The following PIK3R3 variants were observed in gnomAD, a reference collection of about 807,000 sequenced individuals.
PIK3R3 encodes the protein phosphatidylinositol 3-kinase regulatory subunit gamma.
In PIK3R3, 64 loss-of-function variants were observed where a neutral mutation model predicts 62.9. The observed-to-expected ratio is 1.02, with a 90% CI of 0.83 to 1.25. The LOEUF is 1.25. Among genes scored for constraint, PIK3R3 ranks in the 50% most tolerant of loss-of-function variants. The pLI is 0.00. For missense variants in PIK3R3, 614 were observed against 561.6 expected, an observed-to-expected ratio of 1.09 and a Z score of -0.94; for synonymous variants, 165 against 189.0, an observed-to-expected ratio of 0.87 and a Z score of 1.04.
At chr1:46,081,649 C>A (rs1216671428) in intron 1 of PIK3R3, among the ~76,000 whole-genome samples, 1 of 152,190 alleles carries the variant, frequency 6.6e-6, no homozygotes, top group Non-Finnish European at 1.5e-5. Flanking sequence ...AGGTTGGGGA[C>A]TGCTGCCCTG....
At chr1:46,142,655 G>C in the PIK3R3 span, among the ~76,000 whole-genome samples, 1 of 151,404 alleles carries the variant, frequency 6.6e-6, no homozygotes, top group Non-Finnish European at 1.5e-5. Flanking sequence ...CCAAGATCAC[G>C]CCACTGCACT....
At chr1:46,046,729 T>A (rs1647127591) in intron 7 of PIK3R3, 104 bp from the exon 8 acceptor site, 1 of 741,230 alleles carries the variant, frequency 1.3e-6, no homozygotes, top group Non-Finnish European at 2.3e-6. Context: ...CACCTCTTGT[T>A]TTTCCTAATC....
intron 2 of PIK3R3, 99 bp from the exon 3 acceptor site, chr1:46,077,712 G>A: frequency 2.8e-6 from 2 of 717,888 alleles, no homozygotes; most frequent in East Asian, 2.5e-5. Context: ...GGCAGCTTCG[G>A]CAGTAGGTGT....
Position 46,103,188 on chromosome 1 carries a change from T to C in PIK3R3, c.107-22438A>G, listed in dbSNP as rs375998969. Among the ~76,000 whole-genome samples the C allele has an allele frequency of 7.9e-5, 12 of 152,304 alleles. No homozygotes were observed. The East Asian group carries it at 9.6e-4, about 12-fold the overall frequency. On this transcript the variant is annotated intron_variant, in intron 1 of 9. Transcript: ENST00000262741. The stretch of plus-strand genomic sequence containing the variant: ...ATAGGGGAAACGACGAGTCACTGTT[T>C]AATGGGTACAGAGTTTCAGATGTGC...
intron 7 of PIK3R3, among the ~76,000 whole-genome samples, chr1:46,050,820 TGATG>T (rs1382691895): frequency 6.6e-6 from 1 of 152,158 alleles, no homozygotes; most frequent in Non-Finnish European, 1.5e-5. Flanking sequence ...CACCAACTGA[TGATG>T]ATTAAACAAA....
intron 1 of PIK3R3, among the ~76,000 whole-genome samples, chr1:46,081,674 C>T (rs1650606175): frequency 6.6e-6 from 1 of 152,150 alleles, no homozygotes; most frequent in African/African-American, 2.4e-5. Flanking sequence ...GTCCTGGGGG[C>T]AACAACACCC....
the PIK3R3 span, among the ~76,000 whole-genome samples, chr1:46,153,226 T>C: frequency 6.6e-6 from 1 of 151,412 alleles, no homozygotes; most frequent in Non-Finnish European, 1.5e-5. Flanking sequence ...CAAAATTAGA[T>C]ATTATTTAAT....
At chr1:46,169,134 T>TA in the PIK3R3 span, among the ~76,000 whole-genome samples, 1 of 152,200 alleles carries the variant, frequency 6.6e-6, no homozygotes, top group African/African-American at 2.4e-5. Flanking sequence ...TCCATGGACT[T>TA]ACATTTTACC....
the PIK3R3 span, among the ~76,000 whole-genome samples, chr1:46,152,659 A>T: frequency 3.0e-4 from 42 of 141,666 alleles, no homozygotes; most frequent in African/African-American, 1.0e-3. Flanking sequence ...GCCTCCTGGG[A>T]TCACGCCATT....
chr1:46,061,544 A>G (rs1456515098), intron 6 of PIK3R3, among the ~76,000 whole-genome samples: 2 of 152,234 alleles, frequency 1.3e-5, no homozygotes, highest in Non-Finnish European at 2.9e-5. Context: ...ACCAGGGAAA[A>G]TAAGCCACCA....
intron 6 of PIK3R3, among the ~76,000 whole-genome samples, chr1:46,060,354 G>T (rs1428255998): frequency 6.6e-6 from 1 of 151,986 alleles, no homozygotes; most frequent in Non-Finnish European, 1.5e-5. Context: ...GCCGGGCATG[G>T]TGGGGGGTGC....
the PIK3R3 span, among the ~76,000 whole-genome samples, chr1:46,169,004 T>A: frequency 6.6e-6 from 1 of 152,136 alleles, no homozygotes; most frequent in African/African-American, 2.4e-5. Flanking sequence ...AGTTCCCAAA[T>A]AGAAGGAACC....
rs113380460 is a variant in PIK3R3 at position 46,061,923 on chromosome 1, A to T, written c.764+6T>A. 248 of 1,611,896 alleles carry T rather than the reference A, an allele frequency of 1.5e-4. 5 individuals carry two copies. In the African/African-American group the frequency reaches 2.5e-3, roughly 17 times the overall value. On this transcript the variant is annotated splice_donor_region_variant and intron_variant, in intron 6 of 9. Transcript: ENST00000262741. Reference sequence around the variant, plus strand: ...TGATGCCCTTGGAGGTACTAAGTAGACTTACCGTTCAATCTCCTTTTCATT... The same window carrying T: ...TGATGCCCTTGGAGGTACTAAGTAGTCTTACCGTTCAATCTCCTTTTCATT...
rs1339713087 is a variant in PIK3R3, at chr1:46,042,241, C to T, written c.*1432G>A. ...TGCCTAGCTTCACTCAGCTGGAAGG[C>T]TTAAGCCACATGGAGCAGAAGATTC... On this transcript the variant is annotated 3_prime_UTR_variant, in exon 10 of 10. Coordinates refer to ENST00000262741, the MANE Select transcript of PIK3R3 (RefSeq NM_003629.4). This position sits in a 1 kb window ranked among gnomAD's most constrained non-coding sequence, Gnocchi z 4.3. The T allele has an allele frequency of 2.6e-5, 6 of 226,496 alleles. No individual in the cohort carries two copies. In the Admixed American group the frequency reaches 3.4e-4, roughly 13 times the overall value. The allele number at this position is 226,496 out of a possible 1,614,324, so 14.0% of individuals were successfully genotyped here. A position where few individuals can be genotyped will look rare whatever the true frequency, so the allele number is the denominator to read the frequency against.
chr1:46,096,893 A>G (rs1257084019), intron 1 of PIK3R3, among the ~76,000 whole-genome samples: 1 of 151,810 alleles, frequency 6.6e-6, no homozygotes, highest in Non-Finnish European at 1.5e-5. Flanking sequence ...ACAAAACTGA[A>G]GAAAACTAAG....
intron 1 of PIK3R3, among the ~76,000 whole-genome samples, chr1:46,085,959 C>T (rs903663452): frequency 3.3e-5 from 5 of 152,144 alleles, no homozygotes; most frequent in Admixed American, 2.0e-4. Flanking sequence ...AAGCTGGTCT[C>T]GATCTCCTGG....
the PIK3R3 span, among the ~76,000 whole-genome samples, chr1:46,152,819 TC>T: frequency 5.9e-5 from 9 of 152,238 alleles, no homozygotes; most frequent in Admixed American, 2.0e-4. Context: ...CTCCTCGGCC[TC>T]CCCAGTGCTG....
chr1:46,144,572 A>G, the PIK3R3 span, among the ~76,000 whole-genome samples: 1 of 152,150 alleles, frequency 6.6e-6, no homozygotes, highest in Admixed American at 6.5e-5. Flanking sequence ...GATTGAGACC[A>G]TCCTCGCCAT....
In PIK3R3 at chr1:46,066,197, AAAAT is replaced by A; in HGVS notation, c.496-22_496-19del. ...AACTGATCCTATACAGGTAAAGAAA[AAAAT>A]AAAGAATGTTAACAATTCTGACATA... is the stretch of plus-strand genomic sequence containing the variant. On this transcript the variant is annotated intron_variant, in intron 4 of 9. Coordinates refer to ENST00000262741, the MANE Select transcript of PIK3R3 (RefSeq NM_003629.4). The A allele has an allele frequency of 6.6e-7, 1 of 1,505,664 alleles. No individual in the cohort carries two copies. Among genetic ancestry groups the A allele is most frequent in the Admixed American group, 1.9e-5 (1 of 52,866 alleles). 93.3% of individuals were successfully genotyped at this position (1,505,664 alleles called of 1,614,324 possible).
Sources: allele counts gnomAD v4.1 joint callset (sites outside exome capture counted in the v4.1 genomes callset), GRCh38; gene constraint gnomAD v4.1.1; non-coding constraint Gnocchi (gnomAD v3.1); transcripts MANE v1.5; gene names NCBI Gene and HGNC (gene_info 2026-07-23, HGNC 2026-07-21).